Variants in HMMR observed in about 807,000 individuals in gnomAD.
The protein encoded by HMMR is hyaluronan mediated motility receptor.
Under a neutral mutation model 101.0 loss-of-function variants are expected in HMMR, and 108 were observed. The observed-to-expected ratio is 1.07, with a 90% CI of 0.92 to 1.25. HMMR has a LOEUF of 1.25. HMMR is among the 50% of genes most tolerant of loss of function. The pLI is 0.00. For synonymous variants in HMMR, 296 were observed against 276.4 expected, an observed-to-expected ratio of 1.07 and a Z score of -0.70; for missense variants, 813 against 788.7, an observed-to-expected ratio of 1.03 and a Z score of -0.37.
chr5:163,461,552 T>C (rs1009312008), intron 1 of HMMR, among the ~76,000 whole-genome samples: 2 of 151,890 alleles, frequency 1.3e-5, no homozygotes, highest in East Asian at 1.9e-4. Flanking sequence ...CCCAGCACTT[T>C]GGGAGGCCGA....
intron 2 of HMMR, 145 bp downstream of exon 2, chr5:163,464,099 G>A (rs1251478405): frequency 9.4e-6 from 4 of 423,386 alleles, no homozygotes; most frequent in Non-Finnish European, 4.3e-6. Flanking sequence ...TTATGAAAGG[G>A]TCAAGTACAG....
Position 163,463,884 on chromosome 5 carries a change from T to G in HMMR, c.75T>G (p.Asp25Glu). The G allele has an allele frequency of 6.7e-7, 1 of 1,488,550 alleles. No homozygotes were observed. The highest frequency in any genetic ancestry group is 9.0e-7 in the Non-Finnish European group (1 of 1,116,656). 92.2% of individuals were successfully genotyped at this position (1,488,550 alleles called of 1,614,324 possible). Residue 25 changes from aspartate to glutamate, a missense_variant, in exon 2 of 18, where the codon GAT (aspartate) becomes GAG (glutamate). By Grantham distance (45) the Asp-to-Glu change is conservative. Transcript: ENST00000393915. ...GTGCACCATCTCCAGGTGCTTATGA[T>G]GTTAAAACTTTAGAAGTATTGAAAG... ...SGCAPSPGAY[D>E]VKTLEVLKGP...
At chr5:163,477,902 T>C (rs1302300080) in intron 11 of HMMR, among the ~76,000 whole-genome samples, 1 of 152,196 alleles carries the variant, frequency 6.6e-6, no homozygotes, top group Non-Finnish European at 1.5e-5. Context: ...ATTTGATTGC[T>C]CTTGCTGTGG....
chr5:163,481,198 CAT>C (rs1221331669), intron 12 of HMMR, among the ~76,000 whole-genome samples: 6 of 151,866 alleles, frequency 4.0e-5, no homozygotes, highest in Admixed American at 2.0e-4. Context: ...TCTGTTCCCA[CAT>C]GTGATACATT....
At position 163,474,095 on chromosome 5, in the gene HMMR, C is replaced by T. The variant is rs1758991279; in HGVS notation, c.943C>T (p.Leu315=). ...CAGGAATAGAGAACACAACGAAAAT[C>T]TAAATGCAGAGATGCAAAACTTAAA... The part of the protein sequence containing the change: ...VNRNREHNEN[L]NAEMQNLKQK... The change falls in exon 10 of 18, where the codon CTA becomes TTA. Residue 315 remains leucine (L), a synonymous_variant. Transcript: ENST00000393915. The T allele has an allele frequency of 2.5e-6, 4 of 1,611,466 alleles. No individual in the cohort carries two copies. The highest frequency in any genetic ancestry group is 3.4e-6 in the Non-Finnish European group (4 of 1,178,522).
chr5:163,479,052 G>A (rs112125032), intron 12 of HMMR, among the ~76,000 whole-genome samples: 3 of 152,138 alleles, frequency 2.0e-5, no homozygotes, highest in Admixed American at 6.6e-5. Context: ...AGCCAGGTGC[G>A]GCAGCATATG....
chr5:163,472,421 A>G (rs2113476044), intron 7 of HMMR, among the ~76,000 whole-genome samples: 1 of 152,074 alleles, frequency 6.6e-6, no homozygotes, highest in South Asian at 2.1e-4. Context: ...AACATGTTTT[A>G]TGTTTTTTTA....
At chr5:163,488,037 G>A (rs1163332893) in intron 16 of HMMR, among the ~76,000 whole-genome samples, 2 of 152,004 alleles carry the variant, frequency 1.3e-5, no homozygotes, top group East Asian at 1.9e-4. Context: ...TCTACTTTTT[G>A]TAGAGACAGA....
intron 1 of HMMR, among the ~76,000 whole-genome samples, chr5:163,462,720 C>A (rs755280366): frequency 6.7e-6 from 1 of 149,936 alleles, no homozygotes; most frequent in East Asian, 2.0e-4. Flanking sequence ...CCCAGCTACT[C>A]GGGAGGCTGA....
chr5:163,475,804 T>C (rs1039129459), intron 11 of HMMR, 132 bp downstream of exon 11: 19 of 440,936 alleles, frequency 4.3e-5, no homozygotes, highest in Middle Eastern at 1.2e-3. Context: ...GTAGTAATTA[T>C]TAATTATTTT....
intron 16 of HMMR, among the ~76,000 whole-genome samples, chr5:163,484,967 C>G (rs1489152084): frequency 6.6e-6 from 1 of 152,048 alleles, no homozygotes; most frequent in Admixed American, 6.5e-5. Context: ...TTTTTATAGC[C>G]TAATAATTCA....
intron 1 of HMMR, among the ~76,000 whole-genome samples, chr5:163,462,292 T>G (rs1454805713): frequency 6.6e-6 from 1 of 151,566 alleles, no homozygotes; most frequent in Non-Finnish European, 1.5e-5. Flanking sequence ...ATGCTTAATG[T>G]GTATGAGGCA....
chr5:163,475,406 A>C (rs982376218), intron 10 of HMMR, 52 bp from the exon 11 acceptor site: 1 of 1,046,404 alleles, frequency 9.6e-7, no homozygotes, highest in Non-Finnish European at 1.4e-6. Flanking sequence ...CTCCTAGTAC[A>C]ACCTCACAAT....
intron 11 of HMMR, among the ~76,000 whole-genome samples, chr5:163,476,258 A>G (rs1470919408): frequency 6.6e-6 from 1 of 152,204 alleles, no homozygotes; most frequent in East Asian, 1.9e-4. Context: ...TTAAGGCTGC[A>G]GTTAGCCGTG....
intron 1 of HMMR, 141 bp downstream of exon 1, chr5:163,460,879 T>C (rs1221078767): frequency 6.8e-6 from 5 of 733,494 alleles, no homozygotes; most frequent in Admixed American, 2.1e-5. Flanking sequence ...TTCTCAAATA[T>C]GCTCTAAGCA....
chr5:163,472,625 T>A (rs981233958), intron 7 of HMMR, among the ~76,000 whole-genome samples: 20 of 152,220 alleles, frequency 1.3e-4, no homozygotes, highest in African/African-American at 4.3e-4. Flanking sequence ...GATTTTAGCC[T>A]TTCTACTAGG....
In HMMR at chr5:163,463,960, A is replaced by G. The variant is rs769549389; in HGVS notation, c.145+6A>G. 1.0e-5 allele frequency: 10 copies of G among 978,884 alleles called. No individual in the cohort carries two copies. The highest frequency in any genetic ancestry group is 1.5e-5 in the Non-Finnish European group (10 of 671,490). The allele number at this position is 978,884 out of a possible 1,614,324, so 60.6% of individuals were successfully genotyped here. A position where few individuals can be genotyped will look rare whatever the true frequency, so the allele number is the denominator to read the frequency against. On this transcript the variant is annotated splice_donor_region_variant and intron_variant, in intron 2 of 17. Coordinates refer to ENST00000393915, the MANE Select transcript of HMMR (RefSeq NM_001142556.2). The stretch of plus-strand genomic sequence containing the variant: ...AAGATTTAAACAACAAAAAGGTAAT[A>G]TAGATCACCAAAGAACAATGGTTAT...
intron 10 of HMMR, among the ~76,000 whole-genome samples, chr5:163,474,846 G>C (rs976482632): frequency 6.6e-6 from 1 of 152,000 alleles, no homozygotes; most frequent in Admixed American, 6.6e-5. Context: ...TAAAGGAATT[G>C]AGTAGATCTA....
chr5:163,491,127 A>G lies in HMMR; in HGVS notation c.2141A>G (p.Tyr714Cys). Reference protein sequence around the residue: ...TPLKEGNTNCYRAPMECQESW... With the variant: ...TPLKEGNTNCCRAPMECQESW... Reference sequence around the variant, plus strand: ...ATTCTTCTAGGCAATACAAACTGTTACCGAGCTCCTATGGAGTGTCAAGAA... The same window carrying G: ...ATTCTTCTAGGCAATACAAACTGTTGCCGAGCTCCTATGGAGTGTCAAGAA... Residue 714 changes from tyrosine to cysteine, a missense_variant, in exon 18 of 18, where the codon TAC becomes TGC. Transcript: ENST00000393915. 1 of 1,569,660 alleles carries G rather than the reference A, an allele frequency of 6.4e-7. No homozygotes were observed. Among genetic ancestry groups the G allele is most frequent in the Admixed American group, 1.9e-5 (1 of 53,672 alleles).
Sources: gnomAD v4.1 joint callset for allele counts (sites outside exome capture counted in the v4.1 genomes callset) on GRCh38, gnomAD v4.1.1 for gene constraint, MANE v1.5 for transcripts, NCBI Gene and HGNC (gene_info 2026-07-23, HGNC 2026-07-21) for gene names.